The following LOC400499 variants were observed in gnomAD, a reference collection of about 807,000 sequenced individuals.
the LOC400499 span, among the ~76,000 whole-genome samples, chr16:11,433,608 T>C: frequency 6.6e-6 from 1 of 151,746 alleles, no homozygotes; most frequent in East Asian, 1.9e-4. Flanking sequence ...TCTTGGTGGG[T>C]TCCTGGACAG....
the LOC400499 span, among the ~76,000 whole-genome samples, chr16:11,490,079 TC>T: frequency 6.6e-6 from 1 of 151,978 alleles, no homozygotes; most frequent in Non-Finnish European, 1.5e-5. Flanking sequence ...AGAGACAAGC[TC>T]CTAGACATGC....
the LOC400499 span, among the ~76,000 whole-genome samples, chr16:11,502,469 A>G: frequency 6.6e-6 from 1 of 152,230 alleles, no homozygotes; most frequent in African/African-American, 2.4e-5. Context: ...TATGGCAGTG[A>G]AAGAACAGGC....
At chr16:11,487,969 T>C in the LOC400499 span, among the ~76,000 whole-genome samples, 1 of 151,864 alleles carries the variant, frequency 6.6e-6, no homozygotes, top group Non-Finnish European at 1.5e-5. Flanking sequence ...ATACAAAAAT[T>C]AGCCGGGCAT....
chr16:11,462,027 G>A, the LOC400499 span: 246 of 1,141,980 alleles, frequency 2.2e-4, 1 homozygote, highest in African/African-American at 3.4e-3. Context: ...AAGAGAAGCT[G>A]CAGTGATGAG....
chr16:11,411,389 GGGCCATGTCGAGACCAA>G, the LOC400499 span: 3 of 399,092 alleles, frequency 7.5e-6, no homozygotes, highest in Admixed American at 4.4e-5. Flanking sequence ...AGTGCCCCCA[GGGCCATGTCGAGACCAA>G]GGGGACTTCC....
chr16:11,487,743 CTCTTT>C, the LOC400499 span, among the ~76,000 whole-genome samples: 26,373 of 152,046 alleles, frequency 0.17, 2,395 homozygotes, highest in African/African-American at 0.19. Context: ...TGGGGCTAAT[CTCTTT>C]TCTTAACACA....
the LOC400499 span, among the ~76,000 whole-genome samples, chr16:11,408,622 T>C: frequency 7.9e-5 from 12 of 151,992 alleles, no homozygotes; most frequent in Non-Finnish European, 1.3e-4. Context: ...CACACCACCA[T>C]GCCTGGCTGA....
chr16:11,475,525 T>C, the LOC400499 span: 1 of 396,776 alleles, frequency 2.5e-6, no homozygotes, highest in East Asian at 3.6e-5. Flanking sequence ...TGAATACTTT[T>C]AGGGCAGGAG....
the LOC400499 span, among the ~76,000 whole-genome samples, chr16:11,380,448 C>T: frequency 1.4e-4 from 22 of 151,952 alleles, no homozygotes; most frequent in Non-Finnish European, 2.4e-4. Flanking sequence ...GGGGTGGTGG[C>T]GCATGCCTGT....
the LOC400499 span, chr16:11,521,999 C>T: frequency 2.5e-6 from 1 of 399,258 alleles, no homozygotes; most frequent in Non-Finnish European, 4.4e-6. Context: ...ACAGCCAAGC[C>T]TTGGAGGCCA....
the LOC400499 span, among the ~76,000 whole-genome samples, chr16:11,501,277 A>G: frequency 2.0e-4 from 30 of 152,142 alleles, no homozygotes; most frequent in African/African-American, 6.0e-4. Context: ...AGGGGTAAAA[A>G]TCCCTAGCGG....
At chr16:11,384,248 G>C in the LOC400499 span, 1 of 1,232,324 alleles carries the variant, frequency 8.1e-7, no homozygotes, top group Non-Finnish European at 1.0e-6. Context: ...TCCAGGCTGC[G>C]GGCCATAGAG....
chr16:11,462,518 C>T, the LOC400499 span: 1 of 788,240 alleles, frequency 1.3e-6, no homozygotes, highest in Non-Finnish European at 1.5e-6. Flanking sequence ...CAACCTCCAC[C>T]TCCTGGGTTC....
At chr16:11,392,573 C>G in the LOC400499 span, 1 of 403,384 alleles carries the variant, frequency 2.5e-6, no homozygotes, top group East Asian at 3.6e-5. Flanking sequence ...CACCGCTTTC[C>G]GTAGCTCCCC....
chr16:11,382,440 TACGCAGCACTGGATG>T, the LOC400499 span, among the ~76,000 whole-genome samples: 1 of 152,208 alleles, frequency 6.6e-6, no homozygotes, highest in South Asian at 2.1e-4. Flanking sequence ...GTGGGAATCA[TACGCAGCACTGGATG>T]ACGGAGCTCT....
At chr16:11,508,595 G>A in the LOC400499 span, 4 of 396,694 alleles carry the variant, frequency 1.0e-5, no homozygotes, top group African/African-American at 8.2e-5. Context: ...CCCACCCATA[G>A]GTGACAGCCC....
chr16:11,431,049 C>G, the LOC400499 span: 1 of 399,128 alleles, frequency 2.5e-6, no homozygotes, highest in Non-Finnish European at 4.4e-6. Flanking sequence ...CTTGAAGTGT[C>G]TCCTTCTGCT....
the LOC400499 span, chr16:11,478,772 T>C: frequency 2.5e-6 from 1 of 398,382 alleles, no homozygotes; most frequent in Non-Finnish European, 4.4e-6. Flanking sequence ...CCAAATCTCA[T>C]CTCATAGCTC....
At chr16:11,445,089 T>TAA in the LOC400499 span, among the ~76,000 whole-genome samples, 4,638 of 143,570 alleles carry the variant, frequency 0.032, 193 homozygotes, top group African/African-American at 0.1. Context: ...ACTTTGTCTT[T>TAA]AAAAAAAAAA....
Sources: gnomAD v4.1 joint callset for allele counts (sites outside exome capture counted in the v4.1 genomes callset) on GRCh38, gnomAD v4.1.1 for gene constraint, MANE v1.5 for transcripts.